SNX13: variants seen among roughly 807,000 people sequenced by gnomAD.
SNX13 encodes the protein sorting nexin-13.
A neutral mutation model predicts 133.6 loss-of-function variants in SNX13; 45 were observed. The ratio of observed to expected loss-of-function variants is 0.34; its 90% confidence interval spans 0.27 to 0.43. SNX13 has a LOEUF of 0.43. SNX13 is among the 20% of genes least tolerant of loss of function. The pLI, the probability that SNX13 is intolerant of heterozygous loss-of-function variation, is 1.00. For missense variants in SNX13, 1,032 were observed against 1,145.1 expected (o/e 0.90, Z 1.43); for synonymous variants, 414 against 373.9 (o/e 1.11, Z -1.24).
intron 15 of SNX13, chr7:17,831,948 C>G: frequency 1.0e-6 from 1 of 983,262 alleles, no homozygotes; most frequent in Non-Finnish European, 1.2e-6. Context: ...CATATTATAC[C>G]CATCACTCCA....
At chr7:17,931,141 C>A (rs113391977) in intron 1 of SNX13, among the ~76,000 whole-genome samples, 3 of 152,130 alleles carry the variant, frequency 2.0e-5, no homozygotes, top group Non-Finnish European at 4.4e-5. Flanking sequence ...AGAAAAAGAT[C>A]AGATGTTAGT....
intron 5 of SNX13, chr7:17,880,137 G>C (rs1185335734): frequency 1.3e-5 from 2 of 152,122 alleles, no homozygotes; most frequent in Admixed American, 1.3e-4. Flanking sequence ...CATGACCTGG[G>C]TCTTGAAAAA....
intron 4 of SNX13, among the ~76,000 whole-genome samples, chr7:17,890,873 CAA>C (rs1286469619): frequency 6.6e-6 from 1 of 151,596 alleles, no homozygotes; most frequent in African/African-American, 2.4e-5. Context: ...TATAATTCCA[CAA>C]AAAAAGTTTT....
At chr7:17,837,003 T>C (rs1789212881) in intron 13 of SNX13, among the ~76,000 whole-genome samples, 1 of 152,050 alleles carries the variant, frequency 6.6e-6, no homozygotes, top group South Asian at 2.1e-4. Context: ...GGACATCTTT[T>C]ATGCAGTGTT....
At chr7:17,800,578 G>C (rs902015333) in intron 22 of SNX13, among the ~76,000 whole-genome samples, 17 of 151,712 alleles carry the variant, frequency 1.1e-4, no homozygotes, top group African/African-American at 4.1e-4. Flanking sequence ...ACATCTCTGT[G>C]ACCCTGCAAT....
intron 17 of SNX13, among the ~76,000 whole-genome samples, chr7:17,824,714 C>T (rs1182153653): frequency 6.6e-6 from 1 of 151,872 alleles, no homozygotes; most frequent in Non-Finnish European, 1.5e-5. Flanking sequence ...AAGTTATACT[C>T]TTAACCACTA....
In SNX13 at chr7:17,868,346, T is replaced by C. The variant is rs747230677; in HGVS notation, c.837+61A>G. The C allele has an allele frequency of 2.4e-6, 3 of 1,248,216 alleles. No homozygotes were observed. In the African/African-American group the frequency reaches 4.5e-5, roughly 19 times the overall value. The allele number at this position is 1,248,216 out of a possible 1,614,324, so 77.3% of individuals were successfully genotyped here. A position where few individuals can be genotyped will look rare whatever the true frequency, so the allele number is the denominator to read the frequency against. On this transcript the variant is annotated intron_variant, in intron 9 of 25. Transcript: ENST00000428135. ...CTGCTTAAACACCCTATCTCCCAAC[T>C]ATATTTTTACATTTCAAAAATTATT...
intron 5 of SNX13, chr7:17,882,823 A>G: frequency 8.0e-7 from 1 of 1,251,368 alleles, no homozygotes. Context: ...TTTAAATTAC[A>G]TATTCTAGGA....
At chr7:17,810,923 T>C (rs1785925453) in intron 20 of SNX13, among the ~76,000 whole-genome samples, 2 of 152,164 alleles carry the variant, frequency 1.3e-5, no homozygotes, top group South Asian at 2.1e-4. Flanking sequence ...TCTCAATAGA[T>C]GCAGAAAAGG....
chr7:17,809,852 A>G (rs1210941680), intron 20 of SNX13, among the ~76,000 whole-genome samples: 2 of 152,204 alleles, frequency 1.3e-5, no homozygotes, highest in African/African-American at 4.8e-5. Flanking sequence ...AAACTGAACA[A>G]CCTGCTCTGG....
chr7:17,824,611 TA>T (rs992073737), intron 17 of SNX13, among the ~76,000 whole-genome samples: 1 of 151,888 alleles, frequency 6.6e-6, no homozygotes, highest in African/African-American at 2.4e-5. Context: ...TTCACCCAGC[TA>T]TTTTTTTTTT....
chr7:17,891,964 C>T (rs1244802904), intron 3 of SNX13, among the ~76,000 whole-genome samples: 1 of 152,078 alleles, frequency 6.6e-6, no homozygotes, highest in Non-Finnish European at 1.5e-5. Context: ...ACTGTCTTTA[C>T]TGGACACTCT....
intron 5 of SNX13, among the ~76,000 whole-genome samples, chr7:17,878,021 C>T (rs1019025623): frequency 2.0e-5 from 3 of 151,970 alleles, no homozygotes; most frequent in African/African-American, 7.2e-5. Flanking sequence ...ACTTTGATGA[C>T]AGTGAAGTAC....
chr7:17,936,389 G>C (rs961893368), intron 1 of SNX13, among the ~76,000 whole-genome samples: 1 of 152,166 alleles, frequency 6.6e-6, no homozygotes, highest in African/African-American at 2.4e-5. Context: ...AATCTGGATG[G>C]AAGTAACAAC....
In SNX13 at chr7:17,814,891, C is replaced by G; in HGVS notation, c.2007G>C (p.Val669=). Residue 669 remains valine, a synonymous_variant, in exon 20 of 26, where the codon GTG becomes GTC. Coordinates refer to ENST00000428135, the MANE Select transcript of SNX13 (RefSeq NM_015132.5). Reference sequence around the variant, plus strand: ...AGGCTTTGTTCTCAAGGAAATCATACACATAGTGAGCTAAAGCGGGGGATG... The same window carrying G: ...AGGCTTTGTTCTCAAGGAAATCATAGACATAGTGAGCTAAAGCGGGGGATG... ...MKASPALAHY[V]YDFLENKAYS... 6.5e-7 allele frequency: 1 copy of G among 1,547,022 alleles called. No individual in the cohort carries two copies. Among genetic ancestry groups the G allele is most frequent in the South Asian group, 1.3e-5 (1 of 78,706 alleles).
intron 16 of SNX13, among the ~76,000 whole-genome samples, chr7:17,826,548 A>G (rs1787931434): frequency 1.3e-5 from 2 of 152,242 alleles, no homozygotes; most frequent in South Asian, 4.1e-4. Context: ...ATAAAATGAG[A>G]ATACTACCTA....
rs183201772 is a variant in SNX13, at chr7:17,899,732, C to T, written c.13-2286G>A. On this transcript the variant is annotated intron_variant, in intron 1 of 25. Transcript: ENST00000428135. ...CTGTATTATCTTGAATTTTGTTGTA[C>T]TTCCTCAAAACAACTATTCTGATTT... The T allele has an allele frequency of 5.9e-5, 9 of 152,072 alleles. No homozygotes were observed. In the East Asian group the frequency reaches 1.7e-3, roughly 30 times the overall value. 9.4% of individuals were successfully genotyped at this position (152,072 alleles called of 1,614,324 possible).
chr7:17,837,017 A>T (rs1789215123), intron 13 of SNX13, among the ~76,000 whole-genome samples: 1 of 151,990 alleles, frequency 6.6e-6, no homozygotes. Context: ...CAGTGTTACC[A>T]CTGAATATAA....
chr7:17,905,594 C>T (rs926223182), intron 1 of SNX13, among the ~76,000 whole-genome samples: 1 of 152,144 alleles, frequency 6.6e-6, no homozygotes, highest in African/African-American at 2.4e-5. Flanking sequence ...AATAGTACTA[C>T]CCAAAACCAG....
Sources: gnomAD v4.1 joint callset for allele counts (sites outside exome capture counted in the v4.1 genomes callset) on GRCh38, gnomAD v4.1.1 for gene constraint, MANE v1.5 for transcripts, NCBI Gene and HGNC (gene_info 2026-07-23, HGNC 2026-07-21) for gene names.